Variants in PHF24 observed in about 807,000 individuals in gnomAD.
PHF24 encodes Galpha inhibitory interacting protein.
PHF24 carries 25 observed loss-of-function variants against 42.6 expected under a neutral mutation model. The observed-to-expected ratio is 0.59, with a 90% CI of 0.43 to 0.82. The LOEUF (loss-of-function observed/expected upper bound fraction) is 0.82. Ranked by LOEUF, PHF24 falls within the 40% of genes least tolerant of loss-of-function variation. The pLI, the probability that PHF24 is intolerant of heterozygous loss-of-function variation, is 0.00. For synonymous variants in PHF24, 185 were observed against 204.8 expected (o/e 0.90, Z 0.83); for missense variants, 470 against 538.1 (o/e 0.87, Z 1.25).
the PHF24 span, chr9:34,836,187 C>A: frequency 2.7e-6 from 1 of 369,140 alleles, no homozygotes; most frequent in East Asian, 7.3e-5. Context: ...GTCTACTCCT[C>A]TACTTTTCTT....
At chr9:34,775,791 T>C in the PHF24 span, among the ~76,000 whole-genome samples, 2 of 152,150 alleles carry the variant, frequency 1.3e-5, no homozygotes, top group African/African-American at 2.4e-5. Flanking sequence ...ACACAAAAAT[T>C]TGTACACAGA....
the PHF24 span, among the ~76,000 whole-genome samples, chr9:34,806,339 A>G: frequency 2.6e-5 from 4 of 152,306 alleles, no homozygotes; most frequent in East Asian, 7.7e-4. Flanking sequence ...CTTCCAACCC[A>G]TGAAAATGGG....
At position 34,964,813 on chromosome 9, in the gene PHF24, C is replaced by G. The variant is rs559889080; in HGVS notation, c.-5+6412C>G. On this transcript the variant is annotated intron_variant, in intron 1 of 7. Transcript: ENST00000242315. ...TTCATGAAGTCAGACGGCCCTATTC[C>G]ACCTTCTTGTCCCGCTGTTATATAC... 4.6e-5 allele frequency among the ~76,000 whole-genome samples: 7 copies of G among 152,244 alleles called. 1 individual carries two copies. In the South Asian group the frequency reaches 1.0e-3, roughly 23 times the overall value.
chr9:34,741,211 A>T, the PHF24 span, among the ~76,000 whole-genome samples: 2 of 149,434 alleles, frequency 1.3e-5, no homozygotes, highest in Non-Finnish European at 2.9e-5. Context: ...TTGTAAAAAA[A>T]GTTTAGAAAC....
At chr9:34,904,502 T>C in the PHF24 span, among the ~76,000 whole-genome samples, 1 of 152,080 alleles carries the variant, frequency 6.6e-6, no homozygotes, top group Non-Finnish European at 1.5e-5. Context: ...TTGTTTTTAA[T>C]TCTGTTTATG....
At chr9:34,778,419 G>A in the PHF24 span, among the ~76,000 whole-genome samples, 1 of 152,204 alleles carries the variant, frequency 6.6e-6, no homozygotes, top group Non-Finnish European at 1.5e-5. Flanking sequence ...TGAAATAAAA[G>A]GATAGCATAA....
At chr9:34,978,142 G>A in exon 8 of PHF24, 2 of 1,511,528 alleles carry the variant, frequency 1.3e-6, no homozygotes, top group South Asian at 1.1e-5. Context: ...TTTGAGGACA[G>A]TGACATCCTC....
the PHF24 span, among the ~76,000 whole-genome samples, chr9:34,790,841 G>A: frequency 1.3e-5 from 2 of 152,194 alleles, no homozygotes; most frequent in Non-Finnish European, 2.9e-5. Flanking sequence ...CCAGTACCTT[G>A]GGCGAAAGAA....
chr9:34,928,175 C>T, the PHF24 span, among the ~76,000 whole-genome samples: 2 of 136,722 alleles, frequency 1.5e-5, no homozygotes, highest in African/African-American at 5.6e-5. Flanking sequence ...GAAATCACGC[C>T]ATTGCACTCC....
At chr9:34,975,101 G>C (rs74952512) in intron 3 of PHF24, among the ~76,000 whole-genome samples, 1 of 152,058 alleles carries the variant, frequency 6.6e-6, no homozygotes, top group Non-Finnish European at 1.5e-5. Flanking sequence ...ATCTGACCAC[G>C]GCACTCCCCA....
At chr9:34,740,551 C>T in the PHF24 span, among the ~76,000 whole-genome samples, 2 of 152,230 alleles carry the variant, frequency 1.3e-5, no homozygotes, top group Admixed American at 6.5e-5. Flanking sequence ...GCCAAGCCCA[C>T]GCCCACCTGG....
At chr9:34,937,132 A>G in the PHF24 span, among the ~76,000 whole-genome samples, 1 of 151,092 alleles carries the variant, frequency 6.6e-6, no homozygotes, top group Non-Finnish European at 1.5e-5. Context: ...CCCGGCCACC[A>G]CCCCGTCTGG....
At chr9:34,667,325 C>T in the PHF24 span, among the ~76,000 whole-genome samples, 2 of 152,326 alleles carry the variant, frequency 1.3e-5, no homozygotes, top group Middle Eastern at 3.4e-3. Flanking sequence ...CACCCTCTTT[C>T]TCCCTCTCAT....
At chr9:34,883,125 A>C in the PHF24 span, among the ~76,000 whole-genome samples, 1 of 152,216 alleles carries the variant, frequency 6.6e-6, no homozygotes, top group African/African-American at 2.4e-5. Context: ...AGGATTCCCT[A>C]TTTAATAGAT....
upstream of PHF24, among the ~76,000 whole-genome samples, chr9:34,952,963 AAATT>A (rs1294447418): frequency 6.6e-6 from 1 of 152,220 alleles, no homozygotes; most frequent in Non-Finnish European, 1.5e-5. Flanking sequence ...CCTTACACAA[AAATT>A]AATTAAAAAT....
chr9:34,713,950 G>A, the PHF24 span, among the ~76,000 whole-genome samples: 1 of 152,180 alleles, frequency 6.6e-6, no homozygotes, highest in African/African-American at 2.4e-5. Context: ...GCCAGAGACA[G>A]AAATATTGGG....
chr9:34,819,075 G>T, the PHF24 span, among the ~76,000 whole-genome samples: 6 of 152,020 alleles, frequency 3.9e-5, no homozygotes, highest in African/African-American at 1.4e-4. Context: ...TGTTAAATTT[G>T]TTGGCATAAA....
At chr9:34,943,014 G>A in the PHF24 span, among the ~76,000 whole-genome samples, 2 of 151,598 alleles carry the variant, frequency 1.3e-5, no homozygotes, top group South Asian at 4.2e-4. Flanking sequence ...AAAAAAGAAA[G>A]AAAAGAATGC....
chr9:34,888,613 G>A, the PHF24 span, among the ~76,000 whole-genome samples: 3 of 152,210 alleles, frequency 2.0e-5, no homozygotes, highest in Non-Finnish European at 4.4e-5. Context: ...TTTGACATCT[G>A]TCATATTAGC....
Sources: allele counts gnomAD v4.1 joint callset (sites outside exome capture counted in the v4.1 genomes callset), GRCh38; gene constraint gnomAD v4.1.1; transcripts MANE v1.5; gene names NCBI Gene and HGNC (gene_info 2026-07-23, HGNC 2026-07-21).